NKAIN2: variants seen among roughly 807,000 people sequenced by gnomAD.
The protein encoded by NKAIN2 is sodium/potassium-transporting ATPase subunit beta-1-interacting protein 2.
NKAIN2 carries 14 observed loss-of-function variants against 32.6 expected under a neutral mutation model. That is an observed-to-expected ratio of 0.43 (90% confidence interval 0.28 to 0.67). The LOEUF is 0.67. Ranked by LOEUF, NKAIN2 falls within the 30% of genes least tolerant of loss-of-function variation. NKAIN2 has a pLI of 0.17. For missense variants in NKAIN2, 198 were observed against 258.3 expected (o/e 0.77, Z 1.60); for synonymous variants, 80 against 87.2 (o/e 0.92, Z 0.46).
At chr6:124,654,522 G>T (rs1484236462) in intron 3 of NKAIN2, among the ~76,000 whole-genome samples, 4 of 152,090 alleles carry the variant, frequency 2.6e-5, no homozygotes, top group African/African-American at 7.2e-5. Context: ...AAAAAAGAGA[G>T]AGAGAAATTA....
chr6:124,320,794 A>G (rs1292473346), intron 2 of NKAIN2, among the ~76,000 whole-genome samples: 1 of 152,188 alleles, frequency 6.6e-6, no homozygotes, highest in African/African-American at 2.4e-5. Context: ...CATTGTTAGA[A>G]GTGTTGAACT....
intron 3 of NKAIN2, among the ~76,000 whole-genome samples, chr6:124,473,253 G>T (rs1048728318): frequency 3.9e-5 from 6 of 152,336 alleles, no homozygotes; most frequent in African/African-American, 1.4e-4. Flanking sequence ...CTCATTGTAA[G>T]TCTAGGGCTT....
At chr6:124,223,180 T>C (rs993711321) in intron 1 of NKAIN2, among the ~76,000 whole-genome samples, 3 of 117,242 alleles carry the variant, frequency 2.6e-5, no homozygotes, top group Non-Finnish European at 1.6e-5. Context: ...GCCACTGTAC[T>C]CCAGCCTGGG....
chr6:123,896,786 G>T (rs528132203), intron 1 of NKAIN2, among the ~76,000 whole-genome samples: 2 of 152,112 alleles, frequency 1.3e-5, no homozygotes, highest in African/African-American at 4.8e-5. Context: ...AGTTTCAGAT[G>T]TAAGAATTCT....
chr6:124,306,483 G>A (rs1431900979), intron 2 of NKAIN2, among the ~76,000 whole-genome samples: 1 of 152,092 alleles, frequency 6.6e-6, no homozygotes, highest in Non-Finnish European at 1.5e-5. Context: ...GAATTTTAAT[G>A]TGTTCAAGTG....
At chr6:124,549,700 G>A (rs114175696) in intron 3 of NKAIN2, among the ~76,000 whole-genome samples, 1,951 of 152,238 alleles carry the variant, frequency 0.013, 47 homozygotes, top group African/African-American at 0.045. Context: ...GACTTTGAAC[G>A]TTTGAAGAAT....
At chr6:124,508,507 AT>A (rs66556876) in intron 3 of NKAIN2, among the ~76,000 whole-genome samples, 146,376 of 151,082 alleles carry the variant, frequency 0.97, 71,070 homozygotes, top group East Asian at 1. Flanking sequence ...TGCCCGGCTA[AT>A]TTTTTTTTGT....
intron 4 of NKAIN2, among the ~76,000 whole-genome samples, chr6:124,788,416 C>G (rs1779598725): frequency 1.3e-5 from 2 of 152,060 alleles, no homozygotes; most frequent in African/African-American, 4.8e-5. Context: ...TTGGATTCGT[C>G]TCTTCTCACA....
intron 1 of NKAIN2, among the ~76,000 whole-genome samples, chr6:123,902,368 A>C (rs1294229319): frequency 6.6e-6 from 1 of 152,146 alleles, no homozygotes; most frequent in Non-Finnish European, 1.5e-5. Flanking sequence ...CCAAAATAAA[A>C]AAGGCTAAAA....
chr6:124,455,873 TAGTAGACTTGTGA>T (rs1346912034), intron 3 of NKAIN2, among the ~76,000 whole-genome samples: 5 of 152,084 alleles, frequency 3.3e-5, no homozygotes, highest in Middle Eastern at 3.4e-3. Context: ...GTCCCATGGC[TAGTAGACTTGTGA>T]GATTTCCTTA....
At chr6:124,036,768 AGT>A (rs1489998315) in intron 1 of NKAIN2, among the ~76,000 whole-genome samples, 1 of 152,082 alleles carries the variant, frequency 6.6e-6, no homozygotes, top group African/African-American at 2.4e-5. Context: ...CTACTTCAGA[AGT>A]GTGTATGTGT....
chr6:124,655,269 G>A (rs1029840156), intron 3 of NKAIN2, among the ~76,000 whole-genome samples: 2 of 152,052 alleles, frequency 1.3e-5, no homozygotes, highest in Non-Finnish European at 2.9e-5. Context: ...CAACAAGTCA[G>A]TTCTGAATTG....
intron 1 of NKAIN2, among the ~76,000 whole-genome samples, chr6:124,102,072 A>T (rs1784913482): frequency 6.6e-6 from 1 of 152,228 alleles, no homozygotes; most frequent in Non-Finnish European, 1.5e-5. Flanking sequence ...TCGAACTTCA[A>T]GGAACTGGCA....
intron 3 of NKAIN2, among the ~76,000 whole-genome samples, chr6:124,452,163 C>G (rs1468991172): frequency 6.7e-6 from 1 of 149,340 alleles, no homozygotes; most frequent in Non-Finnish European, 1.5e-5. Context: ...CCACTGCACT[C>G]TAGCCTGGGT....
chr6:124,625,887 C>CA, intron 3 of NKAIN2, among the ~76,000 whole-genome samples: 1 of 123,328 alleles, frequency 8.1e-6, no homozygotes, highest in Non-Finnish European at 1.9e-5. Flanking sequence ...TCTCCTCTAA[C>CA]AAACAAACAT....
chr6:124,282,213 G>A (rs916630923), intron 1 of NKAIN2: 1 of 320,556 alleles, frequency 3.1e-6, no homozygotes, highest in Non-Finnish European at 6.1e-6. Flanking sequence ...ATTTTTATAT[G>A]TCTTAATTAT....
chr6:124,506,224 G>C (rs1260412226), intron 3 of NKAIN2, among the ~76,000 whole-genome samples: 1 of 151,940 alleles, frequency 6.6e-6, no homozygotes, highest in Non-Finnish European at 1.5e-5. Context: ...GGTGTATTTA[G>C]GTATAAAACG....
chr6:124,571,194 G>A (rs1424948432), intron 3 of NKAIN2, among the ~76,000 whole-genome samples: 1 of 152,118 alleles, frequency 6.6e-6, no homozygotes, highest in Non-Finnish European at 1.5e-5. Context: ...GATTTTACAG[G>A]TTCATAGGTG....
intron 4 of NKAIN2, among the ~76,000 whole-genome samples, chr6:124,755,059 C>A (rs1046903613): frequency 5.9e-5 from 9 of 152,116 alleles, no homozygotes; most frequent in African/African-American, 2.2e-4. Context: ...TGTCTGCAAG[C>A]TGGGGAAGAA....
Sources: gnomAD v4.1 joint callset for allele counts (sites outside exome capture counted in the v4.1 genomes callset) on GRCh38, gnomAD v4.1.1 for gene constraint, MANE v1.5 for transcripts, NCBI Gene and HGNC (gene_info 2026-07-23, HGNC 2026-07-21) for gene names.